The following C6 variants were observed in gnomAD, a reference collection of about 807,000 sequenced individuals.
C6 encodes complement C6.
In C6, 101 loss-of-function variants were observed where a neutral mutation model predicts 112.9. That is an observed-to-expected ratio of 0.89 (90% CI 0.76 to 1.06). The LOEUF is 1.06. Ranked by LOEUF, C6 falls within the 50% of genes least tolerant of loss-of-function variation. The probability of loss-of-function intolerance (pLI) is 0.00; values close to 1 mark genes in which losing one functional copy is unlikely to be tolerated. For missense variants in C6, 1,202 were observed against 1,104.6 expected, an observed-to-expected ratio of 1.09 and a Z score of -1.25; for synonymous variants, 431 against 384.1, an observed-to-expected ratio of 1.12 and a Z score of -1.43.
chr5:41,203,501 G>A lies in C6; in HGVS notation c.-20-251C>T, dbSNP rs886621490. On this transcript the variant is annotated intron_variant, in intron 1 of 17. Coordinates refer to ENST00000337836, the MANE Select transcript of C6 (RefSeq NM_000065.5). ...AGTTTCTTCAAACGGTTAGTGATAG[G>A]CTACAAGACAAAGTATGTAGCATGT... 21 of 447,850 alleles carry A rather than the reference G, an allele frequency of 4.7e-5. 1 individual carries two copies. The highest frequency in any genetic ancestry group is 4.0e-4 in the African/African-American group (20 of 50,080). The allele number at this position is 447,850 out of a possible 1,614,324, so 27.7% of individuals were successfully genotyped here. A position where few individuals can be genotyped will look rare whatever the true frequency, so the allele number is the denominator to read the frequency against.
Position 41,186,088 on chromosome 5 carries a change from C to G in C6, c.708G>C (p.Leu236=). Residue 236 remains leucine, a synonymous_variant, in exon 6 of 18, where the codon CTG becomes CTC. Transcript: ENST00000337836. The part of the protein sequence containing the change: ...TSNPYRVPAN[L]ENVGFEVQTA... The stretch of plus-strand genomic sequence containing the variant: ...GTCATACCTCAAAGCCGACATTTTC[C>G]AGATTGGCCGGAACACGGTATGGAT... 6.2e-7 allele frequency: 1 copy of G among 1,613,940 alleles called. No homozygotes were observed. The highest frequency in any genetic ancestry group is 8.5e-7 in the Non-Finnish European group (1 of 1,179,922).
upstream of C6, among the ~76,000 whole-genome samples, chr5:41,218,294 A>G (rs1290696782): frequency 6.6e-6 from 1 of 152,100 alleles, no homozygotes; most frequent in Non-Finnish European, 1.5e-5. Context: ...TATTCACTGT[A>G]ATTACCACTG....
intron 1 of C6, among the ~76,000 whole-genome samples, chr5:41,259,733 T>C (rs1162022974): frequency 6.6e-6 from 1 of 152,222 alleles, no homozygotes; most frequent in Non-Finnish European, 1.5e-5. Context: ...TTTATTGGCC[T>C]GAGGCTGCAC....
chr5:41,172,367 C>G lies in C6; in HGVS notation c.1169-20G>C. 1 of 1,612,750 alleles carries G rather than the reference C, an allele frequency of 6.2e-7. No individual in the cohort carries two copies. Among genetic ancestry groups the G allele is most frequent in the Middle Eastern group, 1.7e-4 (1 of 6,056 alleles). On this transcript the variant is annotated intron_variant, in intron 8 of 17. Transcript: ENST00000337836. ...TTAAACCTAGGAGATGAAGTACAAA[C>G]AGAAACCACTGAGAATGCACCATTG...
At chr5:41,159,015 TTTGAACTCTCAATGTTA>T (rs1747204831) in intron 12 of C6, 50 bp downstream of exon 12, 1 of 1,528,940 alleles carries the variant, frequency 6.5e-7, no homozygotes, top group Non-Finnish European at 9.1e-7. Flanking sequence ...CTAATAACCA[TTTGAACTCTCAATGTTA>T]TTGAGAGTTA....
chr5:41,216,894 C>T (rs1437848024), upstream of C6, among the ~76,000 whole-genome samples: 1 of 152,014 alleles, frequency 6.6e-6, no homozygotes, highest in African/African-American at 2.4e-5. Flanking sequence ...TTAAGGAAAC[C>T]ACGAAATTAG....
At chr5:41,148,293 T>C (rs1417132069) in intron 17 of C6, among the ~76,000 whole-genome samples, 2 of 152,192 alleles carry the variant, frequency 1.3e-5, no homozygotes, top group African/African-American at 2.4e-5. Context: ...GAATAATATA[T>C]GTTGACATGG....
chr5:41,181,915 G>A lies in C6; in HGVS notation c.727-356C>T, dbSNP rs150111221. 1.9e-3 allele frequency among the ~76,000 whole-genome samples: 284 copies of A among 152,312 alleles called. 1 individual carries two copies. The highest frequency in any genetic ancestry group is 6.6e-3 in the African/African-American group (275 of 41,566). On this transcript the variant is annotated intron_variant, in intron 6 of 17. Transcript: ENST00000337836. ...TGAAGGTTATTTTTAGCATGTCTGT[G>A]ATTTTGATGCAGTGTGCAGTCTAAC...
chr5:41,216,858 C>A (rs1470499008), upstream of C6, among the ~76,000 whole-genome samples: 1 of 152,082 alleles, frequency 6.6e-6, no homozygotes, highest in Non-Finnish European at 1.5e-5. Context: ...TAGCACAACC[C>A]TATTCAAAAT....
intron 1 of C6, among the ~76,000 whole-genome samples, chr5:41,219,863 G>A (rs1444414556): frequency 2.0e-5 from 3 of 152,098 alleles, no homozygotes; most frequent in Non-Finnish European, 1.5e-5. Context: ...ATGCTTGAAC[G>A]CCTGACAATC....
At chr5:41,202,430 T>C (rs1751098888) in intron 2 of C6, among the ~76,000 whole-genome samples, 1 of 152,160 alleles carries the variant, frequency 6.6e-6, no homozygotes, top group South Asian at 2.1e-4. Context: ...GGGAAGTAAA[T>C]TGGTAATTTT....
chr5:41,208,014 CAACA>C (rs1198942653), intron 1 of C6, among the ~76,000 whole-genome samples: 1 of 152,118 alleles, frequency 6.6e-6, no homozygotes, highest in Non-Finnish European at 1.5e-5. Context: ...ACAGAAATTA[CAACA>C]AACTGTCTCT....
chr5:41,179,585 A>C (rs956679566), intron 7 of C6, among the ~76,000 whole-genome samples: 2 of 151,548 alleles, frequency 1.3e-5, no homozygotes. Context: ...TTCTGATACT[A>C]TCTTGTCTTA....
chr5:41,228,199 A>G (rs573462722), intron 1 of C6, among the ~76,000 whole-genome samples: 2 of 151,748 alleles, frequency 1.3e-5, no homozygotes, highest in African/African-American at 4.8e-5. Flanking sequence ...GTTTAACTTC[A>G]TTCCTTTATT....
intron 7 of C6, among the ~76,000 whole-genome samples, chr5:41,180,417 ATG>A (rs1342015827): frequency 6.6e-6 from 1 of 152,180 alleles, no homozygotes; most frequent in African/African-American, 2.4e-5. Context: ...TCAGATAGAA[ATG>A]TGTCTTCTAA....
chr5:41,202,399 T>C (rs148114616), intron 2 of C6, among the ~76,000 whole-genome samples: 199 of 152,310 alleles, frequency 1.3e-3, no homozygotes, highest in African/African-American at 4.7e-3. Context: ...TGTTTTCACA[T>C]ATATAGTAGA....
chr5:41,208,886 C>T (rs953538211), intron 1 of C6, among the ~76,000 whole-genome samples: 9 of 151,992 alleles, frequency 5.9e-5, no homozygotes, highest in African/African-American at 2.2e-4. Flanking sequence ...CCAGCATCAT[C>T]CTGATACCAA....
chr5:41,240,532 G>A (rs957796023), intron 1 of C6, among the ~76,000 whole-genome samples: 23 of 152,278 alleles, frequency 1.5e-4, no homozygotes, highest in Admixed American at 7.2e-4. Flanking sequence ...GGCTGTGATG[G>A]GCCAGGTGGG....
Position 41,142,997 on chromosome 5 carries a change from G to C in C6, c.2633C>G (p.Ser878Cys). The C allele has an allele frequency of 6.2e-7, 1 of 1,613,248 alleles. No homozygotes were observed. The highest frequency in any genetic ancestry group is 8.5e-7 in the Non-Finnish European group (1 of 1,179,460). Residue 878 changes from serine to cysteine, a missense_variant, in exon 18 of 18, where the codon TCC becomes TGC. Coordinates refer to ENST00000337836, the MANE Select transcript of C6 (RefSeq NM_000065.5). ...TGGGGGCAATAGGCAGACACATTTG[G>C]AAGTGGAGGCTGTAATGAGAGAGAG... ...YDWEKCSAST[S>C]KCVCLLPPQC...
Sources: allele counts gnomAD v4.1 joint callset (sites outside exome capture counted in the v4.1 genomes callset), GRCh38; gene constraint gnomAD v4.1.1; transcripts MANE v1.5; gene names NCBI Gene and HGNC (gene_info 2026-07-23, HGNC 2026-07-21).